CNTNAP2: variants seen among roughly 807,000 people sequenced by gnomAD.
CNTNAP2 encodes the protein contactin-associated protein-like 2.
CNTNAP2 carries 98 observed loss-of-function variants against 155.2 expected under a neutral mutation model. The ratio of observed to expected loss-of-function variants is 0.63; its 90% CI spans 0.54 to 0.75. CNTNAP2 has a LOEUF of 0.75. Among genes scored for constraint, CNTNAP2 ranks in the 30% least tolerant of loss-of-function variants. CNTNAP2 has a pLI of 0.00. For synonymous variants in CNTNAP2, 651 were observed against 631.2 expected (o/e 1.03, Z -0.47); for missense variants, 1,727 against 1,688.1 (o/e 1.02, Z -0.40).
chr7:148,308,461 G>C (rs1797528620), intron 21 of CNTNAP2, among the ~76,000 whole-genome samples: 1 of 151,674 alleles, frequency 6.6e-6, no homozygotes, highest in African/African-American at 2.4e-5. Context: ...TTTTTAAATT[G>C]GCATTTTTTA....
chr7:147,483,624 A>G (rs1224172182), intron 10 of CNTNAP2, among the ~76,000 whole-genome samples: 2 of 152,238 alleles, frequency 1.3e-5, no homozygotes, highest in South Asian at 2.1e-4. Context: ...TACTTTCAAT[A>G]TTAGGCTGAG....
At chr7:147,961,648 T>G (rs543064483) in intron 14 of CNTNAP2, among the ~76,000 whole-genome samples, 1 of 152,328 alleles carries the variant, frequency 6.6e-6, no homozygotes, top group African/African-American at 2.4e-5. Context: ...TCCACTGCTT[T>G]CGCCAGCTTG....
At chr7:147,102,406 G>A (rs10238004) in intron 4 of CNTNAP2, among the ~76,000 whole-genome samples, 9,162 of 152,070 alleles carry the variant, frequency 0.06, 794 homozygotes, top group African/African-American at 0.19. Flanking sequence ...AGAGTGAGAT[G>A]TGCCTGTGGA....
intron 1 of CNTNAP2, among the ~76,000 whole-genome samples, chr7:146,581,137 A>G (rs368957539): frequency 9.9e-5 from 15 of 152,106 alleles, no homozygotes; most frequent in African/African-American, 3.6e-4. Flanking sequence ...GCCACAAAAC[A>G]TACGGACCCA....
intron 1 of CNTNAP2, among the ~76,000 whole-genome samples, chr7:146,503,103 T>C (rs1236624700): frequency 6.6e-6 from 1 of 152,240 alleles, no homozygotes; most frequent in Non-Finnish European, 1.5e-5. Flanking sequence ...TTTTGTCAGA[T>C]GGATATTTGC....
At chr7:147,511,316 C>T (rs535729516) in intron 11 of CNTNAP2, among the ~76,000 whole-genome samples, 1 of 152,064 alleles carries the variant, frequency 6.6e-6, no homozygotes, top group Non-Finnish European at 1.5e-5. Flanking sequence ...GATCTTCATA[C>T]ACTATTTAAG....
At chr7:148,233,931 T>A (rs562127453) in intron 20 of CNTNAP2, among the ~76,000 whole-genome samples, 2 of 152,320 alleles carry the variant, frequency 1.3e-5, no homozygotes, top group Admixed American at 1.3e-4. Flanking sequence ...GTGTAGCACC[T>A]CCTGCTTTGC....
intron 13 of CNTNAP2, among the ~76,000 whole-genome samples, chr7:147,737,441 G>T (rs912083081): frequency 2.0e-5 from 3 of 152,152 alleles, no homozygotes; most frequent in Admixed American, 6.5e-5. Context: ...CTACTGGGGG[G>T]TGCCTCCCAG....
chr7:147,001,832 G>T (rs1798430006), intron 3 of CNTNAP2, among the ~76,000 whole-genome samples: 1 of 151,356 alleles, frequency 6.6e-6, no homozygotes, highest in East Asian at 1.9e-4. Flanking sequence ...AAAATAACTT[G>T]GAATAAATAG....
At chr7:146,454,192 T>C (rs559494182) in intron 1 of CNTNAP2, among the ~76,000 whole-genome samples, 1 of 152,322 alleles carries the variant, frequency 6.6e-6, no homozygotes, top group Non-Finnish European at 1.5e-5. Context: ...TATTCTATAC[T>C]AGTAGATTCA....
At chr7:147,850,108 C>A (rs919515996) in intron 13 of CNTNAP2, 12 of 152,044 alleles carry the variant, frequency 7.9e-5, no homozygotes, top group African/African-American at 2.4e-4. Flanking sequence ...TTTACTTGAG[C>A]AAAAAGAAAT....
intron 4 of CNTNAP2, among the ~76,000 whole-genome samples, chr7:147,106,061 A>G (rs1490925816): frequency 6.6e-6 from 1 of 152,092 alleles, no homozygotes; most frequent in African/African-American, 2.4e-5. Context: ...TTGATTTAGA[A>G]GAAAGTATAG....
chr7:148,045,817 AAAC>A (rs1802764803), intron 15 of CNTNAP2, among the ~76,000 whole-genome samples: 3 of 152,244 alleles, frequency 2.0e-5, no homozygotes, highest in African/African-American at 7.2e-5. Context: ...CCCAACAGAT[AAAC>A]AGTTCATATG....
At chr7:147,837,689 A>G (rs751119669) in intron 13 of CNTNAP2, among the ~76,000 whole-genome samples, 12 of 152,196 alleles carry the variant, frequency 7.9e-5, no homozygotes, top group Non-Finnish European at 1.5e-4. Flanking sequence ...AGATAAATAC[A>G]TCATTCCAAA....
intron 1 of CNTNAP2, among the ~76,000 whole-genome samples, chr7:146,287,932 G>A (rs1800362773): frequency 6.6e-6 from 1 of 152,032 alleles, no homozygotes; most frequent in Non-Finnish European, 1.5e-5. Flanking sequence ...AAAAATAGTT[G>A]TCTCCAAAAA....
rs558909598 is a variant in CNTNAP2, at chr7:147,577,447, A to G, written c.1897+15190A>G. Among the ~76,000 whole-genome samples the G allele has an allele frequency of 4.6e-5, 7 of 152,104 alleles. No homozygotes were observed. The South Asian group carries it at 1.4e-3, about 32-fold the overall frequency. ...GAATAACAACAAGATGAACCAAAAT[A>G]TGGAAGCAATATTTTCAGACAGGAT... On this transcript the variant is annotated intron_variant, in intron 12 of 23. Coordinates refer to ENST00000361727, the MANE Select transcript of CNTNAP2 (RefSeq NM_014141.6).
At chr7:147,290,875 G>C (rs1208369625) in intron 8 of CNTNAP2, among the ~76,000 whole-genome samples, 1 of 152,028 alleles carries the variant, frequency 6.6e-6, no homozygotes, top group Admixed American at 6.5e-5. Flanking sequence ...TATTGATTTT[G>C]GGTTTATAAC....
intron 12 of CNTNAP2, among the ~76,000 whole-genome samples, chr7:147,608,975 C>G (rs541643751): frequency 1.3e-5 from 2 of 152,172 alleles, no homozygotes; most frequent in South Asian, 4.2e-4. Context: ...GTAATGGCAT[C>G]GGTTAAGGCA....
rs551694127 is a variant in CNTNAP2, at chr7:146,274,642, C to T, written c.97+157669C>T. ...TTCCACCCCATTAAAGTTCTTCAAGCCACCCAGGAGAGGCAGGGTAAGCAG... is the reference window on the plus strand; with the variant it reads ...TTCCACCCCATTAAAGTTCTTCAAGTCACCCAGGAGAGGCAGGGTAAGCAG... On this transcript the variant is annotated intron_variant, in intron 1 of 23. Transcript: ENST00000361727. Among the ~76,000 whole-genome samples, 8 of 152,178 alleles carry T rather than the reference C, an allele frequency of 5.3e-5. No homozygotes were observed. In the East Asian group the frequency reaches 1.4e-3, roughly 26 times the overall value.
Sources: gnomAD v4.1 joint callset for allele counts (sites outside exome capture counted in the v4.1 genomes callset) on GRCh38, gnomAD v4.1.1 for gene constraint, MANE v1.5 for transcripts, NCBI Gene and HGNC (gene_info 2026-07-23, HGNC 2026-07-21) for gene names.